ADRA1B: variants seen among roughly 807,000 people sequenced by gnomAD.
ADRA1B encodes the protein alpha-1B adrenergic receptor.
In ADRA1B, 17 loss-of-function variants were observed where a neutral mutation model predicts 17.9. That is an observed-to-expected ratio of 0.95 (90% confidence interval 0.65 to 1.42). The LOEUF (loss-of-function observed/expected upper bound fraction) is 1.42. Among genes scored for constraint, ADRA1B ranks in the 40% most tolerant of loss-of-function variants. The pLI is 0.00. For missense variants in ADRA1B, 681 were observed against 722.1 expected (o/e 0.94, Z 0.65); for synonymous variants, 366 against 327.6 (o/e 1.12, Z -1.27).
At chr5:159,912,462 G>A (rs184310897), upstream of ADRA1B, among the ~76,000 whole-genome samples, 295 of 152,310 alleles carry the variant, frequency 1.9e-3, 3 homozygotes, top group Admixed American at 0.012. Context: ...AAGGTGCTCC[G>A]CTGGGGAACC....
intron 1 of ADRA1B, among the ~76,000 whole-genome samples, chr5:159,885,327 T>C (rs1167987238): frequency 6.6e-6 from 1 of 152,194 alleles, no homozygotes. Context: ...CTTCCCTCCA[T>C]GTAGCCTCAG....
intron 1 of ADRA1B, among the ~76,000 whole-genome samples, chr5:159,894,421 G>T (rs914662234): frequency 1.3e-5 from 2 of 151,842 alleles, no homozygotes; most frequent in African/African-American, 2.4e-5. Context: ...TAGAATCCAG[G>T]CCAGCACATC....
intron 1 of ADRA1B, among the ~76,000 whole-genome samples, chr5:159,874,070 G>A (rs1753777960): frequency 6.6e-6 from 1 of 152,070 alleles, no homozygotes; most frequent in African/African-American, 2.4e-5. Flanking sequence ...GCCCTTCTGG[G>A]CTATTGGGGT....
At chr5:159,885,497 G>A (rs1368171633) in intron 1 of ADRA1B, among the ~76,000 whole-genome samples, 1 of 152,174 alleles carries the variant, frequency 6.6e-6, no homozygotes, top group Non-Finnish European at 1.5e-5. Context: ...ATTTCAAATA[G>A]AGAGTCTCAG....
chr5:159,954,430 T>C lies in ADRA1B; in HGVS notation c.950-17449T>C, dbSNP rs1360357024. Among the ~76,000 whole-genome samples, 3 of 152,260 alleles carry C rather than the reference T, an allele frequency of 2.0e-5. No homozygotes were observed. The South Asian group carries it at 6.2e-4, about 32-fold the overall frequency. ...CCCATTCATGAGGGCTCCACCCTCG[T>C]GACCTAATTACCTCCCAAAGGCCCC... is the stretch of plus-strand genomic sequence containing the variant. On this transcript the variant is annotated intron_variant, in intron 1 of 1. Coordinates refer to ENST00000306675, the MANE Select transcript of ADRA1B (RefSeq NM_000679.4).
chr5:159,911,589 T>TTACCA (rs779062747), upstream of ADRA1B, among the ~76,000 whole-genome samples: 158 of 152,316 alleles, frequency 1.0e-3, no homozygotes, highest in Non-Finnish European at 1.8e-3. Flanking sequence ...GCTGTATGAC[T>TTACCA]GGCAGTTCTG....
intron 1 of ADRA1B, chr5:159,950,386 G>A (rs754197174): frequency 2.2e-5 from 14 of 641,154 alleles, no homozygotes; most frequent in Admixed American, 1.8e-4. Context: ...ACTGTGAGGA[G>A]GGGAGAGTCT....
At chr5:159,897,443 G>A (rs1013870128) in intron 1 of ADRA1B, among the ~76,000 whole-genome samples, 1 of 151,668 alleles carries the variant, frequency 6.6e-6, no homozygotes, top group African/African-American at 2.4e-5. Context: ...CAGAGATCAC[G>A]CCACTGCACT....
At chr5:159,890,058 C>A (rs1470322633) in intron 1 of ADRA1B, among the ~76,000 whole-genome samples, 1 of 152,198 alleles carries the variant, frequency 6.6e-6, no homozygotes, top group Non-Finnish European at 1.5e-5. Context: ...GGTGTAAGAG[C>A]ATGCAATCTC....
At chr5:159,943,213 G>GA (rs11304091) in intron 1 of ADRA1B, among the ~76,000 whole-genome samples, 51 of 137,856 alleles carry the variant, frequency 3.7e-4, no homozygotes, top group South Asian at 1.2e-3. Context: ...CTCTGTCTCA[G>GA]AAAAAAAAAA....
intron 1 of ADRA1B, among the ~76,000 whole-genome samples, chr5:159,872,465 C>T (rs1490860431): frequency 1.3e-5 from 2 of 152,158 alleles, no homozygotes; most frequent in East Asian, 3.9e-4. Context: ...TATGGGAAGA[C>T]AAGTGGGCCC....
intron 1 of ADRA1B, chr5:159,948,241 T>C (rs1179325629): frequency 1.2e-5 from 12 of 985,324 alleles, no homozygotes; most frequent in Admixed American, 6.2e-5. Flanking sequence ...ACAGATTATT[T>C]TGTGAAAGCT....
intron 1 of ADRA1B, among the ~76,000 whole-genome samples, chr5:159,895,304 C>T (rs1387521042): frequency 6.6e-6 from 1 of 152,220 alleles, no homozygotes; most frequent in Non-Finnish European, 1.5e-5. Flanking sequence ...CTTCACCTTC[C>T]AAGGATCTTG....
intron 1 of ADRA1B, among the ~76,000 whole-genome samples, chr5:159,893,346 A>C (rs955170158): frequency 6.6e-6 from 1 of 152,278 alleles, no homozygotes; most frequent in Non-Finnish European, 1.5e-5. Flanking sequence ...AAAACAATTA[A>C]ATGAGATAAT....
rs1036439829 is a variant in ADRA1B, at chr5:159,972,338, C to G, written c.1409C>G (p.Ser470Trp). 1.4e-6 allele frequency: 2 copies of G among 1,466,110 alleles called. No homozygotes were observed. The highest frequency in any genetic ancestry group is 2.4e-5 in the Admixed American group (1 of 41,572). 90.8% of individuals were successfully genotyped at this position (1,466,110 alleles called of 1,614,324 possible). ...EPPGRRGRHD[S>W]GPLFTFKLLT... Reference sequence around the variant, plus strand: ...CCCGGCCGCCGCGGCCGCCACGACTCGGGCCCGCTCTTCACCTTCAAGCTC... The same window carrying G: ...CCCGGCCGCCGCGGCCGCCACGACTGGGGCCCGCTCTTCACCTTCAAGCTC... Residue 470 changes from serine to tryptophan, a missense_variant, in exon 2 of 2, where the codon TCG (serine) becomes TGG (tryptophan). By Grantham distance (177) the Ser-to-Trp change is radical. Around this residue, in one of 3 missense-constraint regions of ADRA1B, gnomAD observed 251 missense variants for 224.9 expected, o/e 1.12. Transcript: ENST00000306675.
chr5:159,874,873 T>A (rs1218127890), intron 1 of ADRA1B, among the ~76,000 whole-genome samples: 1 of 152,186 alleles, frequency 6.6e-6, no homozygotes, highest in Non-Finnish European at 1.5e-5. Flanking sequence ...CAAATGCAGT[T>A]TGCACGAAAA....
chr5:159,955,799 G>A (rs913635425), intron 1 of ADRA1B, among the ~76,000 whole-genome samples: 5 of 152,148 alleles, frequency 3.3e-5, no homozygotes, highest in Non-Finnish European at 7.4e-5. Context: ...TTTTGTACAT[G>A]GAGAAGCTGG....
chr5:159,893,187 G>A (rs930852514), intron 1 of ADRA1B, among the ~76,000 whole-genome samples: 2 of 87,788 alleles, frequency 2.3e-5, no homozygotes, highest in East Asian at 2.1e-4. Context: ...TTAGAACTGG[G>A]ACTGAAAAAC....
At chr5:159,939,308 TG>T (rs1561600613) in intron 1 of ADRA1B, among the ~76,000 whole-genome samples, 1 of 141,380 alleles carries the variant, frequency 7.1e-6, no homozygotes, top group Non-Finnish European at 1.5e-5. Flanking sequence ...TGTGTGTGTG[TG>T]TGTGTGTGTG....
Sources: gnomAD v4.1 joint callset for allele counts (sites outside exome capture counted in the v4.1 genomes callset) on GRCh38, gnomAD v4.1.1 for gene constraint, gnomAD v4.1.1 regional missense constraint, MANE v1.5 for transcripts, NCBI Gene and HGNC (gene_info 2026-07-23, HGNC 2026-07-21) for gene names.